The following RNF145 variants were observed in gnomAD, a reference collection of about 807,000 sequenced individuals.
RNF145 encodes the protein ring finger protein 145.
In RNF145, 12 loss-of-function variants were observed where a neutral mutation model predicts 57.3. That is an observed-to-expected ratio of 0.21 (90% CI 0.13 to 0.34). The LOEUF (loss-of-function observed/expected upper bound fraction) is 0.34, where lower values mean the gene tolerates loss of function less well. Among genes scored for constraint, RNF145 ranks in the 10% least tolerant of loss-of-function variants. RNF145 has a pLI of 1.00. For missense variants in RNF145, 429 were observed against 799.0 expected (o/e 0.54, Z 5.58); for synonymous variants, 262 against 288.3 (o/e 0.91, Z 0.92).
chr5:159,197,707 A>C (rs574349589), intron 2 of RNF145, among the ~76,000 whole-genome samples: 3 of 152,236 alleles, frequency 2.0e-5, no homozygotes, highest in Non-Finnish European at 4.4e-5. Flanking sequence ...CAAACAATCC[A>C]TAACAAACTA....
Position 159,157,609 on chromosome 5 carries a change from C to T in RNF145, c.*1061G>A, listed in dbSNP as rs528363707. Reference sequence around the variant, plus strand: ...AATTCCCATAAAAAATTACATTCCCCCCTCCCCAGTTCTACCTGTAGCCAT... The same window carrying T: ...AATTCCCATAAAAAATTACATTCCCTCCTCCCCAGTTCTACCTGTAGCCAT... On this transcript the variant is annotated 3_prime_UTR_variant, in exon 11 of 11. Transcript: ENST00000424310. 3 of 152,776 alleles carry T rather than the reference C, an allele frequency of 2.0e-5. No homozygotes were observed. Among genetic ancestry groups the T allele is most frequent in the South Asian group, 2.1e-4 (1 of 4,818 alleles). 9.5% of individuals were successfully genotyped at this position (152,776 alleles called of 1,614,324 possible). A position where few individuals can be genotyped will look rare whatever the true frequency, so the allele number is the denominator to read the frequency against.
rs10070253 is a variant in RNF145 at position 159,204,528 on chromosome 5, G to A, written c.-39-872C>T. 9.8e-3 allele frequency among the ~76,000 whole-genome samples: 1,489 copies of A among 152,198 alleles called. 28 individuals carry two copies. Among genetic ancestry groups the A allele is most frequent in the African/African-American group, 0.033 (1,387 of 41,516 alleles). On this transcript the variant is annotated intron_variant, in intron 1 of 10. Transcript: ENST00000424310. ...AATATAAAATAGGGCAAACAAGGCC[G>A]GGCGCAGTGGCACACGCCTGTAATC...
chr5:159,170,928 A>G (rs2043269), intron 6 of RNF145, among the ~76,000 whole-genome samples: 10,216 of 152,314 alleles, frequency 0.067, 372 homozygotes, highest in Middle Eastern at 0.1. Context: ...TAATTTTCAA[A>G]GAAGAATTTC....
intron 2 of RNF145, among the ~76,000 whole-genome samples, chr5:159,197,290 G>A (rs187768820): frequency 1.3e-5 from 2 of 152,288 alleles, no homozygotes; most frequent in South Asian, 2.1e-4. Flanking sequence ...AATTCTGTAC[G>A]TTAGACTAGA....
chr5:159,177,946 C>G (rs1049594741), intron 4 of RNF145, among the ~76,000 whole-genome samples: 7 of 152,020 alleles, frequency 4.6e-5, no homozygotes, highest in Non-Finnish European at 8.8e-5. Context: ...CATTTTTCTG[C>G]TAGAATACGT....
rs1410504652 is a variant in RNF145 at position 159,194,931 on chromosome 5, TTC to T, written c.185-109_185-108del. The T allele has an allele frequency of 1.1e-4, 80 of 746,322 alleles. 1 individual carries two copies. The highest frequency in any genetic ancestry group is 7.7e-4 in the Admixed American group (25 of 32,348). 46.2% of individuals were successfully genotyped at this position (746,322 alleles called of 1,614,324 possible). ...AATTTTCCAAATAGGTTTCAGTACTTTCTGAGGTTTTTTATTATACTTACCAA... is the reference window on the plus strand; with the variant it reads ...AATTTTCCAAATAGGTTTCAGTACTTTGAGGTTTTTTATTATACTTACCAA... On this transcript the variant is annotated intron_variant, in intron 2 of 10. Transcript: ENST00000424310.
chr5:159,196,229 G>GTT (rs11360125), intron 2 of RNF145, among the ~76,000 whole-genome samples: 38 of 129,104 alleles, frequency 2.9e-4, no homozygotes, highest in African/African-American at 9.3e-4. Context: ...AATATTATGA[G>GTT]TTTTTTTTTT....
chr5:159,158,810 G>T lies in RNF145; in HGVS notation c.1852C>A (p.Pro618Thr), dbSNP rs761761937. 1.2e-6 allele frequency: 2 copies of T among 1,613,928 alleles called. No homozygotes were observed. The highest frequency in any genetic ancestry group is 1.7e-6 in the Non-Finnish European group (2 of 1,179,846). ...GTEPPGQEHTPGTRIQEGSRD... is the reference protein window; with the variant it reads ...GTEPPGQEHTTGTRIQEGSRD... ...GAACCTTCCTGTATCCTGGTCCCTG[G>T]AGTATGCTCCTGGCCTGGGGGTTCA... The change falls in exon 11 of 11, where the codon CCA (proline) becomes ACA (threonine). Residue 618 changes from proline (P) to threonine (T), a missense_variant. By Grantham distance (38) the Pro-to-Thr change is conservative. Coordinates refer to ENST00000424310, the MANE Select transcript of RNF145 (RefSeq NM_001199383.2).
intron 1 of RNF145, among the ~76,000 whole-genome samples, chr5:159,206,911 C>T (rs1039816425): frequency 1.8e-4 from 27 of 151,176 alleles, no homozygotes; most frequent in African/African-American, 6.6e-4. Context: ...GTAACATAAA[C>T]TAAATGTGAC....
chr5:159,196,231 T>G (rs1474654096), intron 2 of RNF145, among the ~76,000 whole-genome samples: 3 of 12,250 alleles, frequency 2.4e-4, no homozygotes, highest in Non-Finnish European at 4.4e-4. Context: ...TATTATGAGT[T>G]TTTTTTTTTT....
chr5:159,163,379 T>C (rs1262791440), intron 8 of RNF145, among the ~76,000 whole-genome samples: 3 of 152,250 alleles, frequency 2.0e-5, no homozygotes, highest in African/African-American at 7.2e-5. Flanking sequence ...CCTTAAACCT[T>C]AACAATTTCA....
chr5:159,204,677 A>C (rs1785806882), intron 1 of RNF145, among the ~76,000 whole-genome samples: 1 of 151,856 alleles, frequency 6.6e-6, no homozygotes, highest in Non-Finnish European at 1.5e-5. Flanking sequence ...GGTGGTGCAC[A>C]CCTGTAGTCC....
intron 4 of RNF145, among the ~76,000 whole-genome samples, chr5:159,179,112 T>G (rs1410770201): frequency 2.0e-5 from 3 of 152,046 alleles, no homozygotes; most frequent in African/African-American, 7.2e-5. Context: ...TCCTCTAAGC[T>G]CTGAAAATTC....
rs1380126474 is a variant in RNF145, at chr5:159,203,478, G to A, written c.140C>T (p.Pro47Leu). ...AGCCAAATACTTATACTGGAAAAGAGGGTTATTACTAAGGCTACTTCTTTG... is the reference window on the plus strand; with the variant it reads ...AGCCAAATACTTATACTGGAAAAGAAGGTTATTACTAAGGCTACTTCTTTG... ...QIQRSSLSNN[P>L]LFQYKYLALN... Residue 47 changes from proline to leucine, a missense_variant, in exon 2 of 11, where the codon CCT becomes CTT. This residue lies in a region of RNF145 where 109 missense variants were observed against 207.2 expected (regional missense o/e 0.53). Coordinates refer to ENST00000424310, the MANE Select transcript of RNF145 (RefSeq NM_001199383.2). 5 of 1,613,972 alleles carry A rather than the reference G, an allele frequency of 3.1e-6. No individual in the cohort carries two copies. The highest frequency in any genetic ancestry group is 2.5e-6 in the Non-Finnish European group (3 of 1,179,950).
chr5:159,161,270 T>C lies in RNF145; in HGVS notation c.1622A>G (p.Tyr541Cys). The C allele has an allele frequency of 6.3e-7, 1 of 1,597,706 alleles. No individual in the cohort carries two copies. The highest frequency in any genetic ancestry group is 8.6e-7 in the Non-Finnish European group (1 of 1,167,310). The stretch of plus-strand genomic sequence containing the variant: ...CATTCTTATTGAAGGAGTTACCTGA[T>C]AACAGATGGCACAAATATCATTGTG... ...EKHNDICAIC[Y>C]QDMKSAVITP... The change falls in exon 10 of 11, where the codon TAT becomes TGT. Residue 541 changes from tyrosine (Y) to cysteine (C), a missense_variant. By Grantham distance (194) the Tyr-to-Cys change is radical. Around this residue, in one of 4 missense-constraint regions of RNF145, gnomAD observed 216 missense variants for 457.6 expected, o/e 0.47. Transcript: ENST00000424310.
intron 6 of RNF145, among the ~76,000 whole-genome samples, chr5:159,173,453 G>GT (rs1784618855): frequency 6.6e-6 from 1 of 152,198 alleles, no homozygotes; most frequent in African/African-American, 2.4e-5. Context: ...AGTATAGAGA[G>GT]TAAGTCACAG....
At chr5:159,165,720 AAAAAAAAAAAAAAT>A (rs1784373247) in intron 8 of RNF145, among the ~76,000 whole-genome samples, 6 of 7,260 alleles carry the variant, frequency 8.3e-4, no homozygotes, top group African/African-American at 4.0e-3. Context: ...AAAAAAAAAA[AAAAAAAAAAAAAAT>A]AATAATATCC....
Position 159,209,504 on chromosome 5 carries a change from TCGG to T in RNF145, c.-316_-314del, listed in dbSNP as rs757214239. The T allele has an allele frequency of 4.2e-5, 41 of 965,416 alleles. No individual in the cohort carries two copies. Among genetic ancestry groups the T allele is most frequent in the African/African-American group, 3.9e-4 (22 of 56,222 alleles). 59.8% of individuals were successfully genotyped at this position (965,416 alleles called of 1,614,324 possible). A position where few individuals can be genotyped will look rare whatever the true frequency, so the allele number is the denominator to read the frequency against. Reference sequence around the variant, plus strand: ...AGCCCCTTAGCAGCCGGCGCCGGCGTCGGCGGCCATGGCCTCCTGCGTTTGCTC... The same window carrying T: ...AGCCCCTTAGCAGCCGGCGCCGGCGTCGGCCATGGCCTCCTGCGTTTGCTC... On this transcript the variant is annotated 5_prime_UTR_variant, in exon 1 of 11. Transcript: ENST00000424310.
At chr5:159,203,750 G>A (rs1158479307) in intron 1 of RNF145, 94 bp from the exon 2 acceptor site, 2 of 734,248 alleles carry the variant, frequency 2.7e-6, no homozygotes, top group Non-Finnish European at 4.4e-6. Flanking sequence ...GTCACACACT[G>A]TACAAAACTA....
Sources: allele counts gnomAD v4.1 joint callset (sites outside exome capture counted in the v4.1 genomes callset), GRCh38; gene constraint gnomAD v4.1.1; regional missense constraint gnomAD v4.1.1; transcripts MANE v1.5; gene names NCBI Gene and HGNC (gene_info 2026-07-23, HGNC 2026-07-21).